ARMC9: variants seen among roughly 807,000 people sequenced by gnomAD.
The protein encoded by ARMC9 is lisH domain-containing protein ARMC9.
A neutral mutation model predicts 107.0 loss-of-function variants in ARMC9; 94 were observed. The ratio of observed to expected loss-of-function variants is 0.88; its 90% CI spans 0.74 to 1.04. ARMC9 has a LOEUF of 1.04. Among genes scored for constraint, ARMC9 ranks in the 50% least tolerant of loss-of-function variants. ARMC9 has a pLI of 0.00. For missense variants in ARMC9, 942 were observed against 1,030.1 expected (o/e 0.91, Z 1.17); for synonymous variants, 380 against 396.9 (o/e 0.96, Z 0.51).
At chr2:231,282,431 T>G (rs1231788053) in intron 17 of ARMC9, among the ~76,000 whole-genome samples, 1 of 152,230 alleles carries the variant, frequency 6.6e-6, no homozygotes. Flanking sequence ...TGGAAAAGAT[T>G]ATAAAACTGT....
At chr2:231,323,216 A>G (rs1292712822) in intron 19 of ARMC9, among the ~76,000 whole-genome samples, 1 of 152,086 alleles carries the variant, frequency 6.6e-6, no homozygotes, top group Non-Finnish European at 1.5e-5. Context: ...GGGAGAACTG[A>G]TGGCAGCAGT....
chr2:231,270,358 T>C (rs1012135387), intron 12 of ARMC9, among the ~76,000 whole-genome samples: 6 of 152,138 alleles, frequency 3.9e-5, no homozygotes, highest in African/African-American at 1.4e-4. Flanking sequence ...TGTGCAGGAG[T>C]CACATGAGTG....
chr2:231,292,492 A>T (rs1323842822), intron 18 of ARMC9, among the ~76,000 whole-genome samples: 2 of 152,178 alleles, frequency 1.3e-5, no homozygotes, highest in South Asian at 4.1e-4. Context: ...GGAAGGAGGC[A>T]ATGTGGTCCT....
chr2:231,201,614 C>T (rs981996147), intron 1 of ARMC9, among the ~76,000 whole-genome samples: 1 of 152,210 alleles, frequency 6.6e-6, no homozygotes, highest in African/African-American at 2.4e-5. Flanking sequence ...TGGAATGTGC[C>T]TCCTTCAGCA....
At chr2:231,344,779 C>T (rs1414185839) in intron 20 of ARMC9, among the ~76,000 whole-genome samples, 196 bp from the exon 21 acceptor site, 3 of 152,178 alleles carry the variant, frequency 2.0e-5, no homozygotes, top group African/African-American at 7.2e-5. Context: ...TGGTGTGATA[C>T]ACAAACCGTT....
intron 13 of ARMC9, among the ~76,000 whole-genome samples, chr2:231,272,187 G>GTTTT (rs56201225): frequency 5.2e-4 from 52 of 99,684 alleles, no homozygotes; most frequent in East Asian, 1.4e-3. Flanking sequence ...TGTGTGTTTG[G>GTTTT]TTTTTTTTTT....
intron 17 of ARMC9, among the ~76,000 whole-genome samples, chr2:231,287,800 A>G (rs768561065): frequency 1.3e-5 from 2 of 152,218 alleles, no homozygotes; most frequent in Non-Finnish European, 2.9e-5. Flanking sequence ...TGGCCCCATA[A>G]TTCTACTTCT....
intron 9 of ARMC9, among the ~76,000 whole-genome samples, chr2:231,241,312 G>C (rs1412929778): frequency 1.3e-5 from 2 of 152,084 alleles, no homozygotes; most frequent in Middle Eastern, 3.4e-3. Context: ...GTCGGTGATC[G>C]TGTGTCCTCC....
intron 19 of ARMC9, among the ~76,000 whole-genome samples, chr2:231,308,604 A>C (rs2042162930): frequency 6.6e-6 from 1 of 152,192 alleles, no homozygotes; most frequent in Non-Finnish European, 1.5e-5. Context: ...AGAGCAGATC[A>C]TGTGTAGGGC....
chr2:231,218,795 A>G (rs1276189614), intron 5 of ARMC9, among the ~76,000 whole-genome samples: 1 of 151,484 alleles, frequency 6.6e-6, no homozygotes, highest in African/African-American at 2.4e-5. Flanking sequence ...CTTGTCACCC[A>G]GGCTGGAGTG....
At chr2:231,337,270 G>GTATGTATATATA (rs1553631911) in intron 20 of ARMC9, among the ~76,000 whole-genome samples, 1 of 76,412 alleles carries the variant, frequency 1.3e-5, no homozygotes, top group African/African-American at 5.8e-5. Flanking sequence ...ACGTGTGTGT[G>GTATGTATATATA]TATATATATA....
intron 20 of ARMC9, among the ~76,000 whole-genome samples, chr2:231,340,974 A>G (rs979791420): frequency 3.9e-5 from 6 of 152,066 alleles, no homozygotes; most frequent in East Asian, 1.9e-4. Context: ...AGGCTGAGGA[A>G]TGAGGATCAC....
chr2:231,331,960 T>C (rs1024486488), intron 20 of ARMC9, 63 bp downstream of exon 20: 5 of 1,390,976 alleles, frequency 3.6e-6, no homozygotes, highest in East Asian at 4.7e-5. Flanking sequence ...TTGATGGATT[T>C]CGTGTTTTCA....
chr2:231,224,044 C>T (rs1418208208), intron 6 of ARMC9, among the ~76,000 whole-genome samples: 1 of 151,852 alleles, frequency 6.6e-6, no homozygotes, highest in Non-Finnish European at 1.5e-5. Context: ...GGCAGTGTGC[C>T]CAGAGTAGCT....
chr2:231,244,630 A>C (rs1025995494), intron 9 of ARMC9, among the ~76,000 whole-genome samples: 7 of 152,220 alleles, frequency 4.6e-5, no homozygotes, highest in African/African-American at 1.7e-4. Context: ...TTGGCCTCCC[A>C]AAATGCTGGG....
At chr2:231,269,574 G>A (rs1009944349) in intron 12 of ARMC9, among the ~76,000 whole-genome samples, 1 of 151,288 alleles carries the variant, frequency 6.6e-6, no homozygotes. Context: ...TTGTAGAGAC[G>A]GGGTTTCACC....
Position 231,208,172 on chromosome 2 carries a change from A to G in ARMC9, c.97A>G (p.Lys33Glu), listed in dbSNP as rs555647351. 2 of 1,606,842 alleles carry G rather than the reference A, an allele frequency of 1.2e-6. No homozygotes were observed. The highest frequency in any genetic ancestry group is 2.2e-5 in the East Asian group (1 of 44,790). ...EFEDTLKTFSKECKIKGKPLC... is the reference protein window; with the variant it reads ...EFEDTLKTFSEECKIKGKPLC... Reference sequence around the variant, plus strand: ...TGAAGACACCTTGAAAACATTTTCAAAAGAATGCAAAATAAAAGGAAAACC... The same window carrying G: ...TGAAGACACCTTGAAAACATTTTCAGAAGAATGCAAAATAAAAGGAAAACC... The change falls in exon 3 of 25, where the codon AAA becomes GAA. Residue 33 changes from lysine to glutamate, a missense_variant. By Grantham distance (56) the Lys-to-Glu change is moderately conservative (BLOSUM62 1). Coordinates refer to ENST00000611582, the MANE Select transcript of ARMC9 (RefSeq NM_001352754.2).
At chr2:231,361,019 C>CAGTG (rs1198693536) in intron 23 of ARMC9, 136 bp downstream of exon 23, 3 of 1,346,388 alleles carry the variant, frequency 2.2e-6, no homozygotes, top group Non-Finnish European at 2.0e-6. Context: ...GGCTAAGGAG[C>CAGTG]AGTGTCAAGA....
chr2:231,356,237 A>T (rs2045340074), intron 22 of ARMC9, among the ~76,000 whole-genome samples: 1 of 152,016 alleles, frequency 6.6e-6, no homozygotes, highest in African/African-American at 2.4e-5. Context: ...TGCCGGGCTG[A>T]TGTTGATCTG....
Sources: allele counts gnomAD v4.1 joint callset (sites outside exome capture counted in the v4.1 genomes callset), GRCh38; gene constraint gnomAD v4.1.1; transcripts MANE v1.5; gene names NCBI Gene and HGNC (gene_info 2026-07-23, HGNC 2026-07-21).